Variants in TRAK1 observed in about 807,000 individuals in gnomAD.
TRAK1 encodes trafficking kinesin-binding protein 1.
TRAK1 carries 33 observed loss-of-function variants against 92.1 expected under a neutral mutation model. The observed-to-expected ratio is 0.36, with a 90% CI of 0.27 to 0.48. The LOEUF (loss-of-function observed/expected upper bound fraction) is 0.48, where lower values mean the gene tolerates loss of function less well. Among genes scored for constraint, TRAK1 ranks in the 20% least tolerant of loss-of-function variants. The probability of loss-of-function intolerance (pLI) is 0.99; values close to 1 mark genes in which losing one functional copy is unlikely to be tolerated. For synonymous variants in TRAK1, 521 were observed against 517.3 expected (o/e 1.01, Z -0.10); for missense variants, 1,123 against 1,257.9 (o/e 0.89, Z 1.62).
intron 1 of TRAK1, among the ~76,000 whole-genome samples, chr3:42,042,981 C>G (rs771768153): frequency 1.3e-5 from 2 of 152,072 alleles, no homozygotes; most frequent in Non-Finnish European, 2.9e-5. Flanking sequence ...ATTCTTATTA[C>G]CAAAGGACGT....
intron 1 of TRAK1, among the ~76,000 whole-genome samples, chr3:42,039,427 G>A (rs1162480688): frequency 6.6e-6 from 1 of 152,190 alleles, no homozygotes; most frequent in African/African-American, 2.4e-5. Flanking sequence ...GCAATGGCGT[G>A]ATCTCAGCTT....
intron 2 of TRAK1, among the ~76,000 whole-genome samples, chr3:42,127,055 C>G (rs1299667629): frequency 1.3e-5 from 2 of 152,082 alleles, no homozygotes; most frequent in Non-Finnish European, 2.9e-5. Context: ...ATATAGGAGG[C>G]TCTTAGCAAG....
intron 1 of TRAK1, among the ~76,000 whole-genome samples, chr3:42,015,960 C>T (rs1701507190): frequency 1.3e-5 from 2 of 152,070 alleles, no homozygotes; most frequent in African/African-American, 4.8e-5. Context: ...TAGCTTGAAT[C>T]CGGGAGGCAG....
intron 1 of TRAK1, among the ~76,000 whole-genome samples, chr3:42,027,776 C>A (rs1237731305): frequency 6.6e-6 from 1 of 152,062 alleles, no homozygotes; most frequent in Non-Finnish European, 1.5e-5. Context: ...CCAGGAACAA[C>A]CATTTTTCAC....
intron 1 of TRAK1, among the ~76,000 whole-genome samples, chr3:42,092,009 C>T (rs1367353333): frequency 6.6e-6 from 1 of 152,168 alleles, no homozygotes; most frequent in Admixed American, 6.5e-5. Flanking sequence ...AACCTGGTAT[C>T]TTGGGTCAGC....
intron 2 of TRAK1, among the ~76,000 whole-genome samples, chr3:42,138,724 TAA>T (rs56107300): frequency 1.1e-4 from 14 of 133,264 alleles, no homozygotes; most frequent in South Asian, 2.4e-4. Context: ...CCATATCTAT[TAA>T]AAAAAAAAAA....
At chr3:42,029,963 G>A (rs1025777334) in intron 1 of TRAK1, among the ~76,000 whole-genome samples, 2 of 152,140 alleles carry the variant, frequency 1.3e-5, no homozygotes, top group African/African-American at 4.8e-5. Flanking sequence ...GTGGGAGAAG[G>A]AGAGTGGTAG....
chr3:42,090,577 T>G (rs1704966782), upstream of TRAK1, among the ~76,000 whole-genome samples: 1 of 152,118 alleles, frequency 6.6e-6, no homozygotes, highest in Non-Finnish European at 1.5e-5. Flanking sequence ...TCTCAGCTAC[T>G]TGGGAGGCTG....
At chr3:42,035,323 T>C (rs1268052650) in intron 1 of TRAK1, among the ~76,000 whole-genome samples, 1 of 152,160 alleles carries the variant, frequency 6.6e-6, no homozygotes, top group African/African-American at 2.4e-5. Flanking sequence ...CCTGGTGATC[T>C]CGCCAGGCCA....
chr3:42,203,486 T>G, intron 13 of TRAK1: 9 of 951,484 alleles, frequency 9.5e-6, no homozygotes, highest in Non-Finnish European at 1.1e-5. Flanking sequence ...CCTCTTGCCC[T>G]CCTGCCTCTT....
intron 1 of TRAK1, among the ~76,000 whole-genome samples, chr3:42,020,592 A>G (rs963404532): frequency 6.6e-6 from 1 of 152,146 alleles, no homozygotes; most frequent in Non-Finnish European, 1.5e-5. Flanking sequence ...ACTATCATGG[A>G]TAAAGCTGCT....
At chr3:42,068,089 G>A (rs7646229) in intron 1 of TRAK1, among the ~76,000 whole-genome samples, 4,145 of 151,712 alleles carry the variant, frequency 0.027, 222 homozygotes, top group African/African-American at 0.096. Flanking sequence ...AACCTGGGAG[G>A]CGGAGGTTGC....
chr3:42,190,081 A>G (rs1014423532), intron 6 of TRAK1, among the ~76,000 whole-genome samples: 3 of 152,188 alleles, frequency 2.0e-5, no homozygotes, highest in Non-Finnish European at 4.4e-5. Flanking sequence ...AGGATTTGCA[A>G]GTCTGTGACT....
intron 1 of TRAK1, among the ~76,000 whole-genome samples, chr3:42,061,990 G>A (rs1304002363): frequency 6.6e-6 from 1 of 152,214 alleles, no homozygotes; most frequent in Non-Finnish European, 1.5e-5. Flanking sequence ...GCTGTCTCGG[G>A]TGGAGGCTCT....
At chr3:42,160,444 A>G in intron 2 of TRAK1, 1 of 1,614,232 alleles carries the variant, frequency 6.2e-7, no homozygotes, top group Non-Finnish European at 8.5e-7. Flanking sequence ...ACCCACAGGC[A>G]GCATGACACC....
chr3:42,200,232 C>G (rs1576971795), intron 11 of TRAK1, among the ~76,000 whole-genome samples: 2 of 152,326 alleles, frequency 1.3e-5, no homozygotes, highest in East Asian at 3.9e-4. Context: ...AAAAACATGC[C>G]TACCCTTTTC....
At chr3:42,047,919 TTTC>T (rs1429460613) in intron 1 of TRAK1, among the ~76,000 whole-genome samples, 2 of 127,704 alleles carry the variant, frequency 1.6e-5, no homozygotes, top group Non-Finnish European at 3.3e-5. Flanking sequence ...CATAGTTTCT[TTTC>T]TTTTTTTTTT....
chr3:42,019,027 A>G (rs1013657839), intron 1 of TRAK1, among the ~76,000 whole-genome samples: 7 of 152,050 alleles, frequency 4.6e-5, no homozygotes, highest in Non-Finnish European at 1.0e-4. Flanking sequence ...GAGGCTGAGG[A>G]AGGAGAATGG....
chr3:42,040,010 T>G (rs1323347567), intron 1 of TRAK1, among the ~76,000 whole-genome samples: 1 of 152,108 alleles, frequency 6.6e-6, no homozygotes, highest in African/African-American at 2.4e-5. Context: ...GCCATTTGTA[T>G]ATCTTTGGAG....
Sources: gnomAD v4.1 joint callset for allele counts (sites outside exome capture counted in the v4.1 genomes callset) on GRCh38, gnomAD v4.1.1 for gene constraint, MANE v1.5 for transcripts, NCBI Gene and HGNC (gene_info 2026-07-23, HGNC 2026-07-21) for gene names.